The following ZFAND6 variants were observed in gnomAD, a reference collection of about 807,000 sequenced individuals.
ZFAND6 encodes the protein zinc finger AN1-type containing 6, also known as AN1-type zinc finger protein 6.
In ZFAND6, 12 loss-of-function variants were observed where a neutral mutation model predicts 24.5. The observed-to-expected ratio is 0.49, with a 90% confidence interval of 0.31 to 0.79. The LOEUF (loss-of-function observed/expected upper bound fraction) is 0.79, where lower values mean the gene tolerates loss of function less well. ZFAND6 is among the 30% of genes least tolerant of loss of function. The probability of loss-of-function intolerance (pLI) is 0.04; values close to 1 mark genes in which losing one functional copy is unlikely to be tolerated. For missense variants in ZFAND6, 207 were observed against 245.9 expected (o/e 0.84, Z 1.06); for synonymous variants, 92 against 81.5 (o/e 1.13, Z -0.69).
chr15:80,064,131 T>C (rs1287735958), intron 1 of ZFAND6, among the ~76,000 whole-genome samples: 1 of 152,244 alleles, frequency 6.6e-6, no homozygotes, highest in Non-Finnish European at 1.5e-5. Flanking sequence ...TTATTATAAG[T>C]AGTGTGATAA....
chr15:80,067,332 G>T (rs1398920116), intron 1 of ZFAND6, among the ~76,000 whole-genome samples: 10 of 152,006 alleles, frequency 6.6e-5, no homozygotes, highest in Admixed American at 6.6e-5. Context: ...ACTGTTTTCA[G>T]TTTTCTCTAC....
intron 2 of ZFAND6, among the ~76,000 whole-genome samples, chr15:80,104,989 T>A (rs573061954): frequency 2.0e-5 from 3 of 152,324 alleles, no homozygotes; most frequent in African/African-American, 7.2e-5. Flanking sequence ...GCTCCCCTTT[T>A]CATTCTAAGG....
chr15:80,110,321 C>T (rs1459647565), intron 2 of ZFAND6, among the ~76,000 whole-genome samples: 5 of 152,074 alleles, frequency 3.3e-5, no homozygotes, highest in Non-Finnish European at 2.9e-5. Flanking sequence ...AAATAAGATA[C>T]ACCATTTATA....
intron 1 of ZFAND6, among the ~76,000 whole-genome samples, chr15:80,085,311 G>T (rs1395542648): frequency 6.6e-6 from 1 of 152,168 alleles, no homozygotes; most frequent in Non-Finnish European, 1.5e-5. Flanking sequence ...TGGGATTTGG[G>T]TCTGTTTTAT....
intron 5 of ZFAND6, chr15:80,123,102 C>CTA (rs2040218524): frequency 5.0e-6 from 1 of 199,672 alleles, no homozygotes; most frequent in African/African-American, 2.3e-5. Context: ...CCGTTTCAGT[C>CTA]TATATACTAC....
Position 80,121,778 on chromosome 15 carries a change from C to G in ZFAND6, c.221C>G (p.Ala74Gly), listed in dbSNP as rs1229528874. 6.2e-7 allele frequency: 1 copy of G among 1,613,754 alleles called. No individual in the cohort carries two copies. The highest frequency in any genetic ancestry group is 1.1e-5 in the South Asian group (1 of 91,058). The stretch of plus-strand genomic sequence containing the variant: ...TGCACAGATGGCAGTGTGCCAGAAG[C>G]CCAGTCAGCATTAGACTCTACATCT... ...VQCTDGSVPE[A>G]QSALDSTSSS... is the part of the protein sequence containing the mutation. Residue 74 changes from alanine to glycine, a missense_variant, in exon 4 of 7, where the codon GCC becomes GGC. Ala to Gly is a moderately conservative substitution (Grantham distance 60). This residue lies in a region of ZFAND6 where 133 missense variants were observed against 122.8 expected (regional missense o/e 1.08). Coordinates refer to ENST00000261749, the MANE Select transcript of ZFAND6 (RefSeq NM_019006.4).
chr15:80,089,266 T>G (rs2038196735), intron 1 of ZFAND6, among the ~76,000 whole-genome samples: 1 of 134,514 alleles, frequency 7.4e-6, no homozygotes, highest in African/African-American at 2.8e-5. Flanking sequence ...TGTGTTTTTT[T>G]TTTTTTTTTT....
chr15:80,135,176 A>G (rs2040801059), intron 6 of ZFAND6, among the ~76,000 whole-genome samples: 1 of 152,198 alleles, frequency 6.6e-6, no homozygotes, highest in Non-Finnish European at 1.5e-5. Flanking sequence ...AATAGTAAAT[A>G]TATTTTCTCT....
intron 3 of ZFAND6, among the ~76,000 whole-genome samples, chr15:80,121,036 A>C (rs1445485399): frequency 6.6e-6 from 1 of 152,190 alleles, no homozygotes. Context: ...TTGTTTCAGT[A>C]GTTGTATAAG....
In ZFAND6 at chr15:80,092,976, A is replaced by T. The variant is rs2038476574; in HGVS notation, c.-180-5440A>T. On this transcript the variant is annotated intron_variant, in intron 1 of 6. Coordinates refer to ENST00000261749, the MANE Select transcript of ZFAND6 (RefSeq NM_019006.4). The stretch of plus-strand genomic sequence containing the variant: ...ACTACAATTTTTTTTTTTTTTTGAG[A>T]CAGAGTGTCGCTCTCTCACCCAGGC... Among the ~76,000 whole-genome samples the T allele has an allele frequency of 2.0e-5, 3 of 148,350 alleles. No homozygotes were observed. The South Asian group carries it at 6.3e-4, about 31-fold the overall frequency.
chr15:80,106,117 G>A (rs1322872083), intron 2 of ZFAND6, among the ~76,000 whole-genome samples: 1 of 152,164 alleles, frequency 6.6e-6, no homozygotes, highest in African/African-American at 2.4e-5. Flanking sequence ...CGGAGTGATA[G>A]GTACGATAAG....
intron 2 of ZFAND6, among the ~76,000 whole-genome samples, chr15:80,104,057 C>G (rs2039179329): frequency 3.3e-5 from 5 of 152,078 alleles, no homozygotes. Flanking sequence ...ACTGTGTTGT[C>G]CAGGCTGGTC....
At chr15:80,064,365 C>T (rs2036495052) in intron 1 of ZFAND6, among the ~76,000 whole-genome samples, 1 of 152,112 alleles carries the variant, frequency 6.6e-6, no homozygotes, top group Non-Finnish European at 1.5e-5. Flanking sequence ...ATCTGTCTAT[C>T]CATCTACCCT....
chr15:80,118,352 G>C (rs1250853813), intron 2 of ZFAND6, among the ~76,000 whole-genome samples: 2 of 151,686 alleles, frequency 1.3e-5, no homozygotes, highest in Non-Finnish European at 1.5e-5. Flanking sequence ...TCTAGCTCCT[G>C]ACCTCGTGAG....
At chr15:80,115,823 C>G (rs1366742262) in intron 2 of ZFAND6, among the ~76,000 whole-genome samples, 2 of 151,948 alleles carry the variant, frequency 1.3e-5, no homozygotes, top group Non-Finnish European at 2.9e-5. Context: ...AAACTTTAAT[C>G]TTAATGTTTT....
At chr15:80,065,536 G>GTTTTTTTTTTTTTTT (rs1341209807) in intron 1 of ZFAND6, among the ~76,000 whole-genome samples, 2 of 84,982 alleles carry the variant, frequency 2.4e-5, no homozygotes, top group African/African-American at 4.4e-5. Context: ...TTTTGGTTTT[G>GTTTTTTTTTTTTTTT]ATTTTTTTTT....
rs554012813 is a variant in ZFAND6 at position 80,088,438 on chromosome 15, C to T, written c.-180-9978C>T. Among the ~76,000 whole-genome samples the T allele has an allele frequency of 6.6e-5, 10 of 152,106 alleles. No homozygotes were observed. The East Asian group carries it at 1.7e-3, about 26-fold the overall frequency. On this transcript the variant is annotated intron_variant, in intron 1 of 6. Transcript: ENST00000261749. ...CAAAATTAGGGGGTGTGGTGGTGCA[C>T]GCCTGTAATCCCAGCTACTCAGGAG... is the stretch of plus-strand genomic sequence containing the variant.
At position 80,121,773 on chromosome 15, in the gene ZFAND6, A is replaced by T; in HGVS notation, c.216A>T (p.Pro72=). The change falls in exon 4 of 7, where the codon CCA becomes CCT. Residue 72 remains proline, a synonymous_variant. Transcript: ENST00000261749. ...TTCAATGCACAGATGGCAGTGTGCC[A>T]GAAGCCCAGTCAGCATTAGACTCTA... ...LPVQCTDGSV[P]EAQSALDSTS... The T allele has an allele frequency of 1.2e-6, 2 of 1,613,944 alleles. No individual in the cohort carries two copies. Among genetic ancestry groups the T allele is most frequent in the Non-Finnish European group, 1.7e-6 (2 of 1,179,866 alleles).
At chr15:80,090,001 C>T (rs1333470447) in intron 1 of ZFAND6, among the ~76,000 whole-genome samples, 2 of 152,108 alleles carry the variant, frequency 1.3e-5, no homozygotes, top group Non-Finnish European at 1.5e-5. Context: ...CAATCCTTTC[C>T]CTATAACGAA....
Sources: gnomAD v4.1 joint callset for allele counts (sites outside exome capture counted in the v4.1 genomes callset) on GRCh38, gnomAD v4.1.1 for gene constraint, gnomAD v4.1.1 regional missense constraint, MANE v1.5 for transcripts, NCBI Gene and HGNC (gene_info 2026-07-23, HGNC 2026-07-21) for gene names.